Variants in MLLT3 observed in about 807,000 individuals in gnomAD.
The protein encoded by MLLT3 is protein AF-9.
Under a neutral mutation model 53.2 loss-of-function variants are expected in MLLT3, and 4 were observed. The observed-to-expected ratio is 0.08, with a 90% CI of 0.04 to 0.17. The LOEUF (loss-of-function observed/expected upper bound fraction) is 0.17, where lower values mean the gene tolerates loss of function less well. Ranked by LOEUF, MLLT3 falls within the 10% of genes least tolerant of loss-of-function variation. The probability of loss-of-function intolerance (pLI) is 1.00; values close to 1 mark genes in which losing one functional copy is unlikely to be tolerated. For synonymous variants in MLLT3, 283 were observed against 230.6 expected, an observed-to-expected ratio of 1.23 and a Z score of -2.06; for missense variants, 569 against 684.0, an observed-to-expected ratio of 0.83 and a Z score of 1.87.
chr9:20,581,499 C>T (rs1221033946), intron 2 of MLLT3, among the ~76,000 whole-genome samples: 1 of 152,086 alleles, frequency 6.6e-6, no homozygotes, highest in African/African-American at 2.4e-5. Flanking sequence ...TAAGTCTTCC[C>T]TAATTCACAC....
In MLLT3 at chr9:20,346,394, C is replaced by CAAAAAAAAAAAAAAAAA. The variant is rs1820869526; in HGVS notation, c.*48_*49insTTTTTTTTTTTTTTTTT. 1.7e-6 allele frequency: 2 copies of CAAAAAAAAAAAAAAAAA among 1,207,546 alleles called. No homozygotes were observed. The allele number at this position is 1,207,546 out of a possible 1,614,324, so 74.8% of individuals were successfully genotyped here. On this transcript the variant is annotated 3_prime_UTR_variant, in exon 11 of 11. Transcript: ENST00000380338. ...AAATCACAACCAAAAAAAAAAAAAACCAAAAAAAAAAAACACAATAGTTCT... is the reference window on the plus strand; with the variant it reads ...AAATCACAACCAAAAAAAAAAAAAACAAAAAAAAAAAAAAAAACAAAAAAAAAAAACACAATAGTTCT...
At chr9:20,508,315 C>T (rs569076635) in intron 2 of MLLT3, among the ~76,000 whole-genome samples, 1 of 152,330 alleles carries the variant, frequency 6.6e-6, no homozygotes, top group South Asian at 2.1e-4. Flanking sequence ...TCAGTCCTAT[C>T]AGTTTCCTTT....
chr9:20,424,939 G>A (rs554712128), intron 4 of MLLT3, among the ~76,000 whole-genome samples: 19 of 152,222 alleles, frequency 1.2e-4, no homozygotes, highest in East Asian at 1.9e-4. Context: ...CAATGTGGCC[G>A]GGCACAAAGC....
chr9:20,537,142 C>T (rs9695749), intron 2 of MLLT3, among the ~76,000 whole-genome samples: 1 of 152,190 alleles, frequency 6.6e-6, no homozygotes, highest in Admixed American at 6.5e-5. Context: ...ACTTACCTTT[C>T]TCTTAACTAC....
intron 2 of MLLT3, among the ~76,000 whole-genome samples, chr9:20,539,201 G>C (rs150289204): frequency 6.6e-6 from 1 of 152,218 alleles, no homozygotes; most frequent in Non-Finnish European, 1.5e-5. Context: ...GATGCTGTTT[G>C]ATAGCATTTT....
At chr9:20,493,101 A>G (rs562777859) in intron 2 of MLLT3, among the ~76,000 whole-genome samples, 7 of 151,946 alleles carry the variant, frequency 4.6e-5, no homozygotes, top group Non-Finnish European at 1.0e-4. Flanking sequence ...GCCTACTTCA[A>G]TATTTTGCAG....
At chr9:20,599,960 G>A (rs886875856) in intron 2 of MLLT3, among the ~76,000 whole-genome samples, 1 of 151,730 alleles carries the variant, frequency 6.6e-6, no homozygotes, top group Non-Finnish European at 1.5e-5. Flanking sequence ...TATATTGTAC[G>A]ATGCTAACCC....
rs370923344 is a variant in MLLT3 at position 20,411,382 on chromosome 9, A to G, written c.1125+2339T>C. 6 of 152,642 alleles carry G rather than the reference A, an allele frequency of 3.9e-5. No individual in the cohort carries two copies. The East Asian group carries it at 7.7e-4, about 20-fold the overall frequency. The allele number at this position is 152,642 out of a possible 1,614,324, so 9.5% of individuals were successfully genotyped here. ...AAAGGCCTTTGGGTTCATGGTTTAC[A>G]TGACATCACTTTTGTTAATTCTCTT... is the stretch of plus-strand genomic sequence containing the variant. On this transcript the variant is annotated intron_variant, in intron 5 of 10. Coordinates refer to ENST00000380338, the MANE Select transcript of MLLT3 (RefSeq NM_004529.4).
At chr9:20,374,111 A>G (rs1821689555) in intron 5 of MLLT3, among the ~76,000 whole-genome samples, 1 of 152,174 alleles carries the variant, frequency 6.6e-6, no homozygotes, top group African/African-American at 2.4e-5. Flanking sequence ...AGCTAGGTGC[A>G]GCGGCACATG....
chr9:20,602,962 G>A (rs1015746156), intron 2 of MLLT3, among the ~76,000 whole-genome samples: 2 of 151,960 alleles, frequency 1.3e-5, no homozygotes, highest in African/African-American at 4.8e-5. Context: ...TCAGTAGTTG[G>A]CTAACATGTG....
chr9:20,389,337 T>C (rs967345619), intron 5 of MLLT3, among the ~76,000 whole-genome samples: 3 of 152,194 alleles, frequency 2.0e-5, no homozygotes, highest in African/African-American at 7.2e-5. Context: ...AGAAAGTAGA[T>C]TACTGGTTGC....
rs183349502 is a variant in MLLT3, at chr9:20,344,405, A to T, written c.*2038T>A. On this transcript the variant is annotated 3_prime_UTR_variant, in exon 11 of 11. Transcript: ENST00000380338. Reference sequence around the variant, plus strand: ...TTTTAAAATATTTTAAAAATTTGCAACATTTCCATATAAACATTACCCTCC... The same window carrying T: ...TTTTAAAATATTTTAAAAATTTGCATCATTTCCATATAAACATTACCCTCC... The T allele has an allele frequency of 5.0e-4, 105 of 211,644 alleles. 1 individual carries two copies. In the Middle Eastern group the frequency reaches 6.4e-3, roughly 13 times the overall value. 13.1% of individuals were successfully genotyped at this position (211,644 alleles called of 1,614,324 possible).
chr9:20,406,897 C>T (rs748125088), intron 5 of MLLT3, among the ~76,000 whole-genome samples: 1 of 152,188 alleles, frequency 6.6e-6, no homozygotes, highest in Non-Finnish European at 1.5e-5. Flanking sequence ...TGCACAATCA[C>T]CTTTGGTGAC....
chr9:20,479,986 C>T (rs748133766), intron 2 of MLLT3, among the ~76,000 whole-genome samples: 6 of 152,058 alleles, frequency 3.9e-5, no homozygotes, highest in Non-Finnish European at 4.4e-5. Context: ...CCCATGATGC[C>T]GAGTTATGCT....
At chr9:20,381,845 T>G (rs931249028) in intron 5 of MLLT3, among the ~76,000 whole-genome samples, 1 of 151,870 alleles carries the variant, frequency 6.6e-6, no homozygotes, top group African/African-American at 2.4e-5. Context: ...AAGAAAAATG[T>G]AAGAACAATA....
chr9:20,479,340 A>C (rs963971830), intron 2 of MLLT3, among the ~76,000 whole-genome samples: 7 of 152,076 alleles, frequency 4.6e-5, no homozygotes, highest in Admixed American at 3.3e-4. Context: ...CTATTTCTCT[A>C]ATTAATTTGC....
At chr9:20,429,179 G>C (rs778629466) in intron 4 of MLLT3, among the ~76,000 whole-genome samples, 15 of 152,070 alleles carry the variant, frequency 9.9e-5, no homozygotes, top group Admixed American at 9.2e-4. Flanking sequence ...ACCAGCCTGG[G>C]CAATATAGCA....
chr9:20,616,340 T>C lies in MLLT3; in HGVS notation c.193+4314A>G, dbSNP rs370399297. ...AAGCAACAATATCTACCCAAGATAT[T>C]AAAGATCACTTTTAGATCTTTAACT... On this transcript the variant is annotated intron_variant, in intron 2 of 10. Coordinates refer to ENST00000380338, the MANE Select transcript of MLLT3 (RefSeq NM_004529.4). Among the ~76,000 whole-genome samples, 25 of 152,304 alleles carry C rather than the reference T, an allele frequency of 1.6e-4. No homozygotes were observed. In the South Asian group the frequency reaches 5.2e-3, roughly 32 times the overall value.
At chr9:20,521,750 C>T (rs939436446) in intron 2 of MLLT3, among the ~76,000 whole-genome samples, 1 of 152,074 alleles carries the variant, frequency 6.6e-6, no homozygotes, top group Non-Finnish European at 1.5e-5. Flanking sequence ...GGTATTGAAT[C>T]CTGGATTTAA....
Sources: gnomAD v4.1 joint callset for allele counts (sites outside exome capture counted in the v4.1 genomes callset) on GRCh38, gnomAD v4.1.1 for gene constraint, MANE v1.5 for transcripts, NCBI Gene and HGNC (gene_info 2026-07-23, HGNC 2026-07-21) for gene names.